The following INTU variants were observed in gnomAD, a reference collection of about 807,000 sequenced individuals.
The protein encoded by INTU is inturned planar cell polarity protein.
In INTU, 68 loss-of-function variants were observed where a neutral mutation model predicts 100.5. That is an observed-to-expected ratio of 0.68 (90% CI 0.56 to 0.83). The LOEUF (loss-of-function observed/expected upper bound fraction) is 0.83, where lower values mean the gene tolerates loss of function less well. Among genes scored for constraint, INTU ranks in the 40% least tolerant of loss-of-function variants. INTU has a pLI of 0.00. For missense variants in INTU, 1,071 were observed against 1,114.7 expected (o/e 0.96, Z 0.56); for synonymous variants, 357 against 395.7 (o/e 0.90, Z 1.16).
At chr4:127,693,793 A>C (rs1730261424) in intron 8 of INTU, among the ~76,000 whole-genome samples, 1 of 152,148 alleles carries the variant, frequency 6.6e-6, no homozygotes, top group East Asian at 1.9e-4. Context: ...AGGATGCCGG[A>C]TTTTGTCAAA....
intron 6 of INTU, among the ~76,000 whole-genome samples, chr4:127,676,668 C>T (rs769000804): frequency 1.1e-4 from 16 of 151,894 alleles, no homozygotes; most frequent in Non-Finnish European, 1.9e-4. Flanking sequence ...CCAGCGTGAG[C>T]GATGCAGAAG....
At chr4:127,665,279 ATGTT>A (rs1728647293) in intron 4 of INTU, among the ~76,000 whole-genome samples, 1 of 149,986 alleles carries the variant, frequency 6.7e-6, no homozygotes, top group Non-Finnish European at 1.5e-5. Context: ...ATATATTTAT[ATGTT>A]TGTTTTTAAT....
At chr4:127,681,562 G>C (rs1045684128) in intron 6 of INTU, among the ~76,000 whole-genome samples, 4 of 152,188 alleles carry the variant, frequency 2.6e-5, no homozygotes, top group African/African-American at 9.7e-5. Context: ...GTAGAAAGCT[G>C]AAACTGGATC....
At chr4:127,647,422 G>C (rs1162122898) in intron 2 of INTU, among the ~76,000 whole-genome samples, 1 of 152,164 alleles carries the variant, frequency 6.6e-6, no homozygotes, top group Non-Finnish European at 1.5e-5. Context: ...CATCATCAAA[G>C]CCAGCAGCAT....
At chr4:127,650,955 A>G (rs984587926) in intron 2 of INTU, among the ~76,000 whole-genome samples, 1 of 152,048 alleles carries the variant, frequency 6.6e-6, no homozygotes, top group African/African-American at 2.4e-5. Flanking sequence ...TTTGATTTGC[A>G]TTTCTCTGAT....
intron 2 of INTU, among the ~76,000 whole-genome samples, chr4:127,653,686 A>T (rs1185230298): frequency 1.3e-5 from 2 of 149,934 alleles, no homozygotes; most frequent in Non-Finnish European, 3.0e-5. Flanking sequence ...TGCTGAAAAA[A>T]ATGTATATTC....
At chr4:127,668,989 T>A in intron 4 of INTU, 47 bp from the exon 5 acceptor site, 1 of 851,166 alleles carries the variant, frequency 1.2e-6, no homozygotes, top group Non-Finnish European at 1.9e-6. Context: ...CTGACAAAGA[T>A]AATGGTTGGA....
At chr4:127,669,333 C>T (rs536346548) in intron 5 of INTU, among the ~76,000 whole-genome samples, 179 bp downstream of exon 5, 14 of 151,538 alleles carry the variant, frequency 9.2e-5, no homozygotes, top group African/African-American at 2.4e-4. Flanking sequence ...TTATAGATAA[C>T]GAGCTCTGCA....
At chr4:127,640,608 CAT>C (rs1491494741) in intron 1 of INTU, among the ~76,000 whole-genome samples, 7 of 112,848 alleles carry the variant, frequency 6.2e-5, no homozygotes, top group South Asian at 3.0e-4. Flanking sequence ...CATAAACACA[CAT>C]GTGTATATTG....
At chr4:127,650,903 G>A (rs1727831584) in intron 2 of INTU, among the ~76,000 whole-genome samples, 1 of 152,126 alleles carries the variant, frequency 6.6e-6, no homozygotes, top group South Asian at 2.1e-4. Context: ...GCTTTTTAAT[G>A]ATTGCCATTC....
At chr4:127,642,958 C>A (rs539906427) in intron 1 of INTU, among the ~76,000 whole-genome samples, 5 of 151,918 alleles carry the variant, frequency 3.3e-5, no homozygotes, top group African/African-American at 4.8e-5. Flanking sequence ...GTTTTCAGGA[C>A]AGATTTTAGT....
intron 2 of INTU, among the ~76,000 whole-genome samples, chr4:127,654,389 C>T (rs1043497150): frequency 2.0e-5 from 3 of 152,148 alleles, no homozygotes; most frequent in African/African-American, 7.2e-5. Context: ...TTTAGTGCTT[C>T]CTTCAGGAGC....
In INTU at chr4:127,704,307, A is replaced by C. The variant is rs745635795; in HGVS notation, c.1566+17A>C. ...TTTTACAAGGTAAGTTGAAGCTTGAAGTCTAAATGTCCAGCTGCTGTATAA... is the reference window on the plus strand; with the variant it reads ...TTTTACAAGGTAAGTTGAAGCTTGACGTCTAAATGTCCAGCTGCTGTATAA... On this transcript the variant is annotated intron_variant, in intron 10 of 15. Coordinates refer to ENST00000335251, the MANE Select transcript of INTU (RefSeq NM_015693.4). 1.3e-6 allele frequency: 2 copies of C among 1,579,246 alleles called. No individual in the cohort carries two copies. Among genetic ancestry groups the C allele is most frequent in the Non-Finnish European group, 1.7e-6 (2 of 1,151,584 alleles).
chr4:127,690,405 A>G (rs1180614081), intron 8 of INTU, among the ~76,000 whole-genome samples: 1 of 152,126 alleles, frequency 6.6e-6, no homozygotes. Context: ...TGCTGTGTGG[A>G]GATCAGTGTT....
chr4:127,694,870 G>C (rs914906997), intron 8 of INTU, among the ~76,000 whole-genome samples: 3 of 152,182 alleles, frequency 2.0e-5, no homozygotes, highest in Admixed American at 6.6e-5. Context: ...ATATTTGTCT[G>C]TTCTTTCACC....
At chr4:127,697,021 T>C (rs1184212022) in intron 8 of INTU, among the ~76,000 whole-genome samples, 1 of 152,208 alleles carries the variant, frequency 6.6e-6, no homozygotes, top group Non-Finnish European at 1.5e-5. Flanking sequence ...TTTAAGGCAG[T>C]ATAGCACAGC....
chr4:127,683,466 C>T lies in INTU; in HGVS notation c.1182-943C>T, dbSNP rs370464340. 6.9e-4 allele frequency among the ~76,000 whole-genome samples: 105 copies of T among 152,332 alleles called. 1 individual carries two copies. Among genetic ancestry groups the T allele is most frequent in the African/African-American group, 2.3e-3 (96 of 41,572 alleles). On this transcript the variant is annotated intron_variant, in intron 6 of 15. Coordinates refer to ENST00000335251, the MANE Select transcript of INTU (RefSeq NM_015693.4). The stretch of plus-strand genomic sequence containing the variant: ...AGCACCTCTTCAGTGTCAACTTACA[C>T]GTCTTCGTATCACCAACATTTTGCA...
chr4:127,694,124 A>C (rs762787577), intron 8 of INTU, among the ~76,000 whole-genome samples: 1 of 152,042 alleles, frequency 6.6e-6, no homozygotes, highest in Non-Finnish European at 1.5e-5. Flanking sequence ...TCTGTCTTTC[A>C]GAATAGTGTC....
intron 8 of INTU, among the ~76,000 whole-genome samples, chr4:127,690,578 A>G (rs1283447838): frequency 1.3e-5 from 2 of 152,230 alleles, no homozygotes; most frequent in African/African-American, 2.4e-5. Flanking sequence ...GATTAAGAAC[A>G]ATACTTTTGG....
Sources: allele counts gnomAD v4.1 joint callset (sites outside exome capture counted in the v4.1 genomes callset), GRCh38; gene constraint gnomAD v4.1.1; transcripts MANE v1.5; gene names NCBI Gene and HGNC (gene_info 2026-07-23, HGNC 2026-07-21).